Variants in SLC24A2 observed in about 807,000 individuals in gnomAD.
SLC24A2 encodes the protein solute carrier family 24 member 2, also known as sodium/potassium/calcium exchanger 2.
SLC24A2 carries 36 observed loss-of-function variants against 62.0 expected under a neutral mutation model. The ratio of observed to expected loss-of-function variants is 0.58; its 90% confidence interval spans 0.44 to 0.77. SLC24A2 has a LOEUF of 0.77. SLC24A2 is among the 30% of genes least tolerant of loss of function. The pLI is 0.00. For synonymous variants in SLC24A2, 358 were observed against 294.0 expected (o/e 1.22, Z -2.23); for missense variants, 846 against 817.9 (o/e 1.03, Z -0.42).
intron 2 of SLC24A2, among the ~76,000 whole-genome samples, chr9:19,630,719 A>G (rs1454419522): frequency 1.3e-5 from 2 of 152,202 alleles, no homozygotes; most frequent in Non-Finnish European, 2.9e-5. Context: ...TAGTTTTGGA[A>G]TTTCCAGGAA....
intron 2 of SLC24A2, among the ~76,000 whole-genome samples, chr9:19,723,645 T>G (rs1472207373): frequency 6.6e-6 from 1 of 152,116 alleles, no homozygotes; most frequent in African/African-American, 2.4e-5. Context: ...TGTGTCCCAG[T>G]ATAGTTGAAT....
the SLC24A2 span, among the ~76,000 whole-genome samples, chr9:19,900,896 G>T: frequency 1.3e-5 from 2 of 152,174 alleles, no homozygotes; most frequent in East Asian, 1.9e-4. Context: ...CATAAGGCTC[G>T]TGGAAGTTCA....
At chr9:19,981,296 C>T in the SLC24A2 span, among the ~76,000 whole-genome samples, 1 of 152,128 alleles carries the variant, frequency 6.6e-6, no homozygotes, top group Non-Finnish European at 1.5e-5. Flanking sequence ...TATTGTCAAG[C>T]ATTGTTCTAG....
the SLC24A2 span, among the ~76,000 whole-genome samples, chr9:19,934,479 C>A: frequency 6.6e-6 from 1 of 151,512 alleles, no homozygotes; most frequent in East Asian, 1.9e-4. The surrounding 1 kb of genome is among the most constrained non-coding windows in gnomAD (Gnocchi z 4.1). Context: ...CAAATCCTGG[C>A]CCCCATTGCA....
intron 7 of SLC24A2, among the ~76,000 whole-genome samples, chr9:19,557,284 T>G (rs2132779351): frequency 6.6e-6 from 1 of 152,292 alleles, no homozygotes; most frequent in Middle Eastern, 3.4e-3. Context: ...ATAGCAAACA[T>G]GAAGTGTAGG....
rs571165595 is a variant in SLC24A2, at chr9:19,632,907, C to T, written c.931-10608G>A. 6.6e-6 allele frequency among the ~76,000 whole-genome samples: 1 copy of T among 152,292 alleles called. No homozygotes were observed. The highest frequency in any genetic ancestry group is 2.1e-4 in the South Asian group (1 of 4,828). ...AGCTTCATGTAACCACCACTGCAAT[C>T]AAGATAATTAACTATAACATCATCA... is the stretch of plus-strand genomic sequence containing the variant. On this transcript the variant is annotated intron_variant, in intron 2 of 10. Transcript: ENST00000341998. This position sits in a 1 kb window ranked among gnomAD's most constrained non-coding sequence, Gnocchi z 4.5.
chr9:19,922,615 T>G, the SLC24A2 span, among the ~76,000 whole-genome samples: 2 of 152,218 alleles, frequency 1.3e-5, no homozygotes, highest in Non-Finnish European at 2.9e-5. Context: ...AACCTCTGCC[T>G]GCTTCACAGG....
At chr9:20,275,953 C>A in the SLC24A2 span, among the ~76,000 whole-genome samples, 4 of 152,202 alleles carry the variant, frequency 2.6e-5, no homozygotes, top group South Asian at 2.1e-4. Context: ...CCCCATGATA[C>A]AATTACCTCC....
In SLC24A2 at chr9:19,636,315, T is replaced by TTTTCTTTTCTTTTCTTTCCTTTTCTTTCC; in HGVS notation, c.931-14017_931-14016insGGAAAGAAAAGGAAAGAAAAGAAAAGAAA. On this transcript the variant is annotated intron_variant, in intron 2 of 10. Coordinates refer to ENST00000341998, the MANE Select transcript of SLC24A2 (RefSeq NM_020344.4). ...TTTTCTTTTCTTTTCTTTTCTTTTCTTTTCTTTCTTTCTTTCTTTCTTTCT... is the reference window on the plus strand; with the variant it reads ...TTTTCTTTTCTTTTCTTTTCTTTTCTTTTCTTTTCTTTTCTTTCCTTTTCTTTCCTTTCTTTCTTTCTTTCTTTCTTTCT... Among the ~76,000 whole-genome samples, 4 of 40,328 alleles carry TTTTCTTTTCTTTTCTTTCCTTTTCTTTCC rather than the reference T, an allele frequency of 9.9e-5. 1 individual carries two copies. The highest frequency in any genetic ancestry group is 3.5e-4 in the African/African-American group (3 of 8,648). 26.5% of individuals were successfully genotyped at this position (40,328 alleles called of 152,430 possible).
chr9:19,992,260 G>C, the SLC24A2 span, among the ~76,000 whole-genome samples: 3 of 152,146 alleles, frequency 2.0e-5, no homozygotes, highest in Non-Finnish European at 2.9e-5. Context: ...AGGCTCAAGA[G>C]GAATACCTAG....
chr9:19,676,478 C>T (rs1318900039), intron 2 of SLC24A2, among the ~76,000 whole-genome samples: 2 of 152,224 alleles, frequency 1.3e-5, no homozygotes, highest in Non-Finnish European at 2.9e-5. Flanking sequence ...TGTCCTGGCA[C>T]TGCGGCAGCT....
chr9:19,875,180 T>G, the SLC24A2 span, among the ~76,000 whole-genome samples: 7 of 152,204 alleles, frequency 4.6e-5, no homozygotes, highest in Non-Finnish European at 7.3e-5. Context: ...CTGAACAAGC[T>G]TTCCTTTTCT....
the SLC24A2 span, among the ~76,000 whole-genome samples, chr9:20,205,363 G>T: frequency 6.6e-6 from 1 of 151,934 alleles, no homozygotes; most frequent in African/African-American, 2.4e-5. Context: ...AAAAACTAAG[G>T]TTAGGCCGGG....
the SLC24A2 span, among the ~76,000 whole-genome samples, chr9:20,140,478 G>T: frequency 6.6e-6 from 1 of 152,172 alleles, no homozygotes; most frequent in African/African-American, 2.4e-5. Flanking sequence ...CCCTTGTGAA[G>T]ACTCAGGCAG....
the SLC24A2 span, among the ~76,000 whole-genome samples, chr9:19,918,142 G>GTGTGTT: frequency 1.4e-3 from 58 of 40,374 alleles, no homozygotes; most frequent in Admixed American, 0.018. Flanking sequence ...CTGACATTAT[G>GTGTGTT]TGTGTGTGTG....
the SLC24A2 span, among the ~76,000 whole-genome samples, chr9:19,898,987 C>T: frequency 6.6e-6 from 1 of 152,160 alleles, no homozygotes; most frequent in Non-Finnish European, 1.5e-5. Context: ...AGCAAGCCTG[C>T]TGCAGCTACC....
chr9:19,783,217 G>T (rs754491750), intron 2 of SLC24A2, among the ~76,000 whole-genome samples: 10 of 152,158 alleles, frequency 6.6e-5, no homozygotes, highest in Non-Finnish European at 1.5e-4. Context: ...CAGCAGAGTT[G>T]ACTTTTTTGC....
At chr9:19,952,333 T>A in the SLC24A2 span, among the ~76,000 whole-genome samples, 1 of 152,066 alleles carries the variant, frequency 6.6e-6, no homozygotes, top group East Asian at 1.9e-4. Flanking sequence ...GCACTGGTTA[T>A]GACCTATAGT....
At chr9:19,616,627 G>A (rs570797467) in intron 4 of SLC24A2, among the ~76,000 whole-genome samples, 2 of 152,222 alleles carry the variant, frequency 1.3e-5, no homozygotes, top group Admixed American at 6.5e-5. Flanking sequence ...TAATCTTCCT[G>A]AGCCTTCATC....
Sources: gnomAD v4.1 joint callset for allele counts (sites outside exome capture counted in the v4.1 genomes callset) on GRCh38, gnomAD v4.1.1 for gene constraint, Gnocchi (gnomAD v3.1) non-coding constraint, MANE v1.5 for transcripts, NCBI Gene and HGNC (gene_info 2026-07-23, HGNC 2026-07-21) for gene names.